Variants in TRIP12 observed in about 807,000 individuals in gnomAD.
The protein encoded by TRIP12 is E3 ubiquitin-protein ligase TRIP12.
In TRIP12, 25 loss-of-function variants were observed where a neutral mutation model predicts 244.2. The observed-to-expected ratio is 0.10, with a 90% CI of 0.07 to 0.14. The LOEUF (loss-of-function observed/expected upper bound fraction) is 0.14. TRIP12 is among the 10% of genes least tolerant of loss of function. The probability of loss-of-function intolerance (pLI) is 1.00; values close to 1 mark genes in which losing one functional copy is unlikely to be tolerated. For missense variants in TRIP12, 1,677 were observed against 2,486.4 expected (o/e 0.67, Z 6.92); for synonymous variants, 905 against 873.1 (o/e 1.04, Z -0.64).
chr2:229,888,587 G>C (rs549073496), intron 1 of TRIP12, among the ~76,000 whole-genome samples: 56 of 152,186 alleles, frequency 3.7e-4, no homozygotes, highest in African/African-American at 1.3e-3. Context: ...ATGTCCATCA[G>C]ATTTAGAAAA....
chr2:229,825,622 ATC>A (rs957948968), intron 8 of TRIP12, among the ~76,000 whole-genome samples: 1 of 152,198 alleles, frequency 6.6e-6, no homozygotes, highest in Non-Finnish European at 1.5e-5. Flanking sequence ...AAACCATCGG[ATC>A]TAGTGAGAAC....
At chr2:229,920,684 T>A (rs932818002) in intron 1 of TRIP12, among the ~76,000 whole-genome samples, 3 of 152,216 alleles carry the variant, frequency 2.0e-5, no homozygotes, top group African/African-American at 7.2e-5. Flanking sequence ...AATTCCCTCC[T>A]GTCCCCCACC....
chr2:229,845,544 C>A (rs1001690882), intron 4 of TRIP12, among the ~76,000 whole-genome samples: 1 of 152,162 alleles, frequency 6.6e-6, no homozygotes. Context: ...GGAAAAAAAA[C>A]CACGTAAGAA....
At chr2:229,913,369 T>C (rs998387601) in intron 1 of TRIP12, among the ~76,000 whole-genome samples, 26 of 152,244 alleles carry the variant, frequency 1.7e-4, no homozygotes, top group African/African-American at 6.3e-4. Context: ...ATCAACTATA[T>C]GAAACATAAC....
intron 18 of TRIP12, among the ~76,000 whole-genome samples, chr2:229,805,435 A>G: frequency 6.6e-6 from 1 of 152,212 alleles, no homozygotes; most frequent in East Asian, 1.9e-4. Flanking sequence ...GGAAAGAACT[A>G]GTCAATGGAT....
intron 4 of TRIP12, among the ~76,000 whole-genome samples, chr2:229,848,997 CA>C (rs2058119459): frequency 6.6e-6 from 1 of 151,960 alleles, no homozygotes; most frequent in South Asian, 2.1e-4. Flanking sequence ...AACAAGAAAC[CA>C]AGATGACATG....
chr2:229,791,346 TGTTCTGA>T, intron 29 of TRIP12, 95 bp from the exon 30 acceptor site: 1 of 1,380,300 alleles, frequency 7.2e-7, no homozygotes, highest in Non-Finnish European at 1.0e-6. Flanking sequence ...ACCAGAAGAC[TGTTCTGA>T]GATCTATTCT....
intron 2 of TRIP12, among the ~76,000 whole-genome samples, chr2:229,863,785 C>T (rs1158255568): frequency 1.3e-5 from 2 of 152,154 alleles, no homozygotes; most frequent in Non-Finnish European, 2.9e-5. Context: ...GAGCCTTGGA[C>T]GCCTCCTTTT....
chr2:229,911,022 A>G (rs771165551), intron 1 of TRIP12, among the ~76,000 whole-genome samples: 7 of 152,232 alleles, frequency 4.6e-5, no homozygotes, highest in Non-Finnish European at 8.8e-5. Context: ...AATTCCCTTG[A>G]GACTAAGCTG....
chr2:229,871,642 C>A (rs1436486750), intron 2 of TRIP12, among the ~76,000 whole-genome samples: 2 of 152,202 alleles, frequency 1.3e-5, no homozygotes, highest in African/African-American at 4.8e-5. Context: ...GTACAGCCCA[C>A]AGAACCATAA....
At chr2:229,838,364 A>G (rs999888041) in intron 5 of TRIP12, among the ~76,000 whole-genome samples, 1 of 152,190 alleles carries the variant, frequency 6.6e-6, no homozygotes, top group African/African-American at 2.4e-5. Flanking sequence ...GTGCTACTCT[A>G]AAGAGAAACA....
intron 1 of TRIP12, among the ~76,000 whole-genome samples, chr2:229,881,663 GAA>G (rs984211228): frequency 6.6e-6 from 1 of 151,854 alleles, no homozygotes; most frequent in Non-Finnish European, 1.5e-5. Flanking sequence ...GTTTTAGAAA[GAA>G]AAAAATAAAT....
At chr2:229,900,886 A>C (rs1218704900) in intron 1 of TRIP12, 1 of 151,210 alleles carries the variant, frequency 6.6e-6, no homozygotes, top group Non-Finnish European at 1.5e-5. Context: ...AGTACTGCCT[A>C]CTGTAAATAG....
At chr2:229,909,140 A>G (rs972851318) in intron 1 of TRIP12, among the ~76,000 whole-genome samples, 1 of 150,564 alleles carries the variant, frequency 6.6e-6, no homozygotes, top group African/African-American at 2.4e-5. Context: ...CAAGTTTACC[A>G]CTCTCCCTTT....
At chr2:229,851,211 GTC>G (rs2154327599) in intron 4 of TRIP12, among the ~76,000 whole-genome samples, 1 of 152,292 alleles carries the variant, frequency 6.6e-6, no homozygotes, top group Admixed American at 6.5e-5. Flanking sequence ...GAACCTTTAT[GTC>G]TAGCTCAGGG....
intron 2 of TRIP12, among the ~76,000 whole-genome samples, chr2:229,875,175 C>T (rs2063369532): frequency 6.6e-6 from 1 of 152,058 alleles, no homozygotes; most frequent in Non-Finnish European, 1.5e-5. Context: ...AATAAGATGC[C>T]TAGTTCAACT....
chr2:229,905,591 G>C (rs2072511758), intron 1 of TRIP12, among the ~76,000 whole-genome samples: 1 of 152,304 alleles, frequency 6.6e-6, no homozygotes, highest in East Asian at 1.9e-4. Flanking sequence ...AGGTAACAAA[G>C]TGCTGAGAAT....
At chr2:229,849,199 G>C (rs1191936135) in intron 4 of TRIP12, among the ~76,000 whole-genome samples, 3 of 152,116 alleles carry the variant, frequency 2.0e-5, no homozygotes, top group Admixed American at 6.5e-5. Context: ...GGAAAGTAAG[G>C]AAAACAACAA....
In TRIP12 at chr2:229,859,543, G is replaced by C. The variant is rs779345774; in HGVS notation, c.256C>G (p.Pro86Ala). 3.8e-5 allele frequency: 61 copies of C among 1,613,748 alleles called. No individual in the cohort carries two copies. Among genetic ancestry groups the C allele is most frequent in the Middle Eastern group, 1.6e-4 (1 of 6,084 alleles). The change falls in exon 4 of 42, where the codon CCA (proline) becomes GCA (alanine). Residue 86 changes from proline to alanine, a missense_variant. By Grantham distance (27) the Pro-to-Ala change is conservative. This residue lies in a region of TRIP12 where 387 missense variants were observed against 392.6 expected (regional missense o/e 0.99). Coordinates refer to ENST00000675903, the MANE Select transcript of TRIP12 (RefSeq NM_001348323.3). ...SCSSSSAVIV[P>A]QPEDPDRANT... is the part of the protein sequence containing the mutation. ...GCTCTGTCTGGATCCTCTGGTTGTG[G>C]AACTATCACAGCAGATGATGAACTG...
Sources: allele counts gnomAD v4.1 joint callset (sites outside exome capture counted in the v4.1 genomes callset), GRCh38; gene constraint gnomAD v4.1.1; regional missense constraint gnomAD v4.1.1; transcripts MANE v1.5; gene names NCBI Gene and HGNC (gene_info 2026-07-23, HGNC 2026-07-21).